Variants in PIEZO1 observed in about 807,000 individuals in gnomAD.
PIEZO1 encodes piezo type mechanosensitive ion channel component 1 (Er blood group), also known as piezo-type mechanosensitive ion channel component 1.
A neutral mutation model predicts 297.2 loss-of-function variants in PIEZO1; 296 were observed. That is an observed-to-expected ratio of 1.00 (90% CI 0.91 to 1.10). PIEZO1 has a LOEUF of 1.10. Among genes scored for constraint, PIEZO1 ranks in the 50% least tolerant of loss-of-function variants. The pLI, the probability that PIEZO1 is intolerant of heterozygous loss-of-function variation, is 0.00. For missense variants in PIEZO1, 5,018 were observed against 3,455.5 expected, an observed-to-expected ratio of 1.45 and a Z score of -11.34; for synonymous variants, 2,427 against 1,507.5, an observed-to-expected ratio of 1.61 and a Z score of -14.13.
At position 88,736,825 on chromosome 16, in the gene PIEZO1, C is replaced by T. The variant is rs1005388283; in HGVS notation, c.1196-86G>A. On this transcript the variant is annotated intron_variant, in intron 10 of 50. Coordinates refer to ENST00000301015, the MANE Select transcript of PIEZO1 (RefSeq NM_001142864.4). ...TATGCCCTAAAATCTGGGCCCTGGG[C>T]AAGCACACAGCAGGAGAGACAGGCC... is the stretch of plus-strand genomic sequence containing the variant. The T allele has an allele frequency of 7.2e-6, 6 of 829,498 alleles. No homozygotes were observed. The African/African-American group carries it at 8.8e-5, about 12-fold the overall frequency. 51.4% of individuals were successfully genotyped at this position (829,498 alleles called of 1,614,324 possible). A position where few individuals can be genotyped will look rare whatever the true frequency, so the allele number is the denominator to read the frequency against.
At chr16:88,748,261 G>A (rs1906166818) in intron 2 of PIEZO1, among the ~76,000 whole-genome samples, 1 of 11,892 alleles carries the variant, frequency 8.4e-5, no homozygotes. Flanking sequence ...AGGTCTCTGA[G>A]TGTTTGCTCC....
chr16:88,732,493 C>A lies in PIEZO1; in HGVS notation c.2833G>T (p.Val945Leu), dbSNP rs905017866. The stretch of plus-strand genomic sequence containing the variant: ...CGGTAGTGCTCCTGGCGCCGGTACA[C>A]GATGGCCTCGAATACCAGCAGCAGC... ...VLLLLVFEAI[V>L]YRRQEHYRRQ... The change falls in exon 21 of 51, where the codon GTG becomes TTG. Residue 945 changes from valine to leucine, a missense_variant. Coordinates refer to ENST00000301015, the MANE Select transcript of PIEZO1 (RefSeq NM_001142864.4). 22 of 1,548,508 alleles carry A rather than the reference C, an allele frequency of 1.4e-5. No individual in the cohort carries two copies. Among genetic ancestry groups the A allele is most frequent in the Non-Finnish European group, 1.8e-5 (21 of 1,145,698 alleles).
intron 1 of PIEZO1, among the ~76,000 whole-genome samples, chr16:88,763,338 G>T (rs1400270958): frequency 6.6e-6 from 1 of 152,220 alleles, no homozygotes; most frequent in African/African-American, 2.4e-5. Context: ...CTCCAGACCA[G>T]CAGCCAAACC....
intron 6 of PIEZO1, 25 bp from the exon 7 acceptor site, chr16:88,738,465 G>A (rs1345438382): frequency 1.3e-6 from 2 of 1,532,764 alleles, no homozygotes; most frequent in African/African-American, 1.4e-5. Context: ...CACACAGGGT[G>A]GTACCTGGCC....
Position 88,737,553 on chromosome 16 carries a change from A to T in PIEZO1, c.1195+6T>A. 1 of 1,524,470 alleles carries T rather than the reference A, an allele frequency of 6.6e-7. No homozygotes were observed. The highest frequency in any genetic ancestry group is 8.8e-7 in the Non-Finnish European group (1 of 1,138,388). The allele number at this position is 1,524,470 out of a possible 1,614,324, so 94.4% of individuals were successfully genotyped here. ...CCAGCCATACCTTGCAGTGTGCGGTACTCACCAGGCCGCCGCAGGACGGAG... is the reference window on the plus strand; with the variant it reads ...CCAGCCATACCTTGCAGTGTGCGGTTCTCACCAGGCCGCCGCAGGACGGAG... On this transcript the variant is annotated splice_donor_region_variant and intron_variant, in intron 10 of 50. Transcript: ENST00000301015.
In PIEZO1 at chr16:88,741,535, G is replaced by A. The variant is rs1382999161; in HGVS notation, c.408C>T (p.Leu136=). The part of the protein sequence containing the change: ...LGILVVSSVC[L]GICGRLARNT... ...TCCTTGCAAGGCGCCCGCAGATGCC[G>A]AGGCAGACAGAGGAGACCACCAAGA... Residue 136 remains leucine, a synonymous_variant, in exon 5 of 51, where the codon CTC becomes CTT. Transcript: ENST00000301015. 1.4e-5 allele frequency: 22 copies of A among 1,535,574 alleles called. No homozygotes were observed. The highest frequency in any genetic ancestry group is 1.7e-4 in the Middle Eastern group (1 of 6,012).
chr16:88,765,194 C>CGGCACTCA (rs1161695550), intron 1 of PIEZO1, among the ~76,000 whole-genome samples: 5 of 152,234 alleles, frequency 3.3e-5, no homozygotes, highest in Non-Finnish European at 2.9e-5. Context: ...GGGACTTCCC[C>CGGCACTCA]GGCACTCAGA....
chr16:88,742,041 G>A lies in PIEZO1; in HGVS notation c.326+12C>T. On this transcript the variant is annotated intron_variant, in intron 4 of 50. Transcript: ENST00000301015. ...GAGGCTTGCTGGTTGGGGGTGGGAGGAATGGTCTTACCTTGTGACCCCTAT... is the reference window on the plus strand; with the variant it reads ...GAGGCTTGCTGGTTGGGGGTGGGAGAAATGGTCTTACCTTGTGACCCCTAT... 6.5e-7 allele frequency: 1 copy of A among 1,535,916 alleles called. No homozygotes were observed. Among genetic ancestry groups the A allele is most frequent in the Non-Finnish European group, 8.7e-7 (1 of 1,146,602 alleles).
intron 30 of PIEZO1, 76 bp downstream of exon 30, chr16:88,724,933 T>C (rs1904323409): frequency 3.2e-6 from 3 of 935,660 alleles, no homozygotes; most frequent in Admixed American, 3.8e-5. Context: ...GAGGGGAAGA[T>C]AGCAGGCCAG....
chr16:88,725,209 G>A (rs1168986661), intron 29 of PIEZO1, 129 bp from the exon 30 acceptor site: 2 of 738,782 alleles, frequency 2.7e-6, no homozygotes, highest in African/African-American at 1.8e-5. Context: ...CGGGGGCCGT[G>A]TGGGGCCATG....
intron 1 of PIEZO1, among the ~76,000 whole-genome samples, chr16:88,751,170 G>A (rs542200727): frequency 1.3e-5 from 2 of 152,114 alleles, no homozygotes; most frequent in East Asian, 3.9e-4. Flanking sequence ...CCCAAGACCC[G>A]AGCCTCACCC....
rs771035950 is a variant in PIEZO1, at chr16:88,722,011, G to T, written c.5011C>A (p.Arg1671=). The T allele has an allele frequency of 1.9e-6, 3 of 1,548,656 alleles. No individual in the cohort carries two copies. The highest frequency in any genetic ancestry group is 2.6e-6 in the Non-Finnish European group (3 of 1,146,676). ...ACGGCCCGCAGCAGCCGCAGCGCCC[G>T]GCCCTGCCCCTCCGCAAACAGCTCT... is the stretch of plus-strand genomic sequence containing the variant. ...EAELFAEGQG[R]ALRLLRAVYQ... The change falls in exon 37 of 51, where the codon CGG becomes AGG. Residue 1671 remains arginine, a synonymous_variant. Coordinates refer to ENST00000301015, the MANE Select transcript of PIEZO1 (RefSeq NM_001142864.4).
At chr16:88,764,552 A>C (rs1907080449) in intron 1 of PIEZO1, among the ~76,000 whole-genome samples, 1 of 152,088 alleles carries the variant, frequency 6.6e-6, no homozygotes. Flanking sequence ...GGAGTTCGAG[A>C]CCAGCCTGGC....
rs185302182 is a variant in PIEZO1, at chr16:88,754,231, C to T, written c.65-4752G>A. On this transcript the variant is annotated intron_variant, in intron 1 of 50. Coordinates refer to ENST00000301015, the MANE Select transcript of PIEZO1 (RefSeq NM_001142864.4). ...ACAGTCAGGAGGGGAGAGGCTGCCC[C>T]CACGGTAGCTGCTGGGCCCCTGGGT... Among the ~76,000 whole-genome samples the T allele has an allele frequency of 2.0e-5, 3 of 152,298 alleles. No homozygotes were observed. The East Asian group carries it at 5.8e-4, about 29-fold the overall frequency.
intron 1 of PIEZO1, among the ~76,000 whole-genome samples, chr16:88,775,993 G>C (rs1345594623): frequency 6.6e-6 from 1 of 152,210 alleles, no homozygotes; most frequent in Non-Finnish European, 1.5e-5. Flanking sequence ...CCGGAGCCTG[G>C]CTCCAGCATG....
chr16:88,764,416 G>GA (rs1907072522), intron 1 of PIEZO1, among the ~76,000 whole-genome samples: 1 of 152,144 alleles, frequency 6.6e-6, no homozygotes, highest in Non-Finnish European at 1.5e-5. Flanking sequence ...AGTGTCCTCT[G>GA]GGAAACATGA....
chr16:88,721,123 G>A (rs1364493727), intron 39 of PIEZO1, 43 bp downstream of exon 39: 8 of 1,452,012 alleles, frequency 5.5e-6, no homozygotes, highest in South Asian at 1.4e-5. Flanking sequence ...GCCCCACTCA[G>A]AAAACTGGGT....
At chr16:88,772,282 C>T (rs1168382834) in intron 1 of PIEZO1, among the ~76,000 whole-genome samples, 2 of 152,240 alleles carry the variant, frequency 1.3e-5, no homozygotes, top group African/African-American at 2.4e-5. Context: ...GAATCCCAGA[C>T]GTATCATGGC....
In PIEZO1 at chr16:88,736,406, TA is replaced by T. The variant is rs1567674448; in HGVS notation, c.1298del (p.Val433AspfsTer10). On this transcript the variant is annotated frameshift_variant and splice_region_variant, in exon 12 of 51. Coordinates refer to ENST00000301015, the MANE Select transcript of PIEZO1 (RefSeq NM_001142864.4). LOFTEE classifies it high-confidence loss of function. ...GCCAGCTGTGGTAGGTGATGCTCCA[TA>T]CCTGCGCGGCAGAGAGGGCTGCACA... ...SYVCALIAMM[V>X]WSITYHSWLT... is the part of the protein sequence containing the mutation. 2 of 1,545,486 alleles carry T rather than the reference TA, an allele frequency of 1.3e-6. No individual in the cohort carries two copies. Among genetic ancestry groups the T allele is most frequent in the Admixed American group, 2.0e-5 (1 of 50,866 alleles).
Sources: allele counts gnomAD v4.1 joint callset (sites outside exome capture counted in the v4.1 genomes callset), GRCh38; gene constraint gnomAD v4.1.1; transcripts MANE v1.5; gene names NCBI Gene and HGNC (gene_info 2026-07-23, HGNC 2026-07-21).